The following CACNA1D variants were observed in gnomAD, a reference collection of about 807,000 sequenced individuals.
CACNA1D encodes the protein voltage-dependent L-type calcium channel subunit alpha-1D.
CACNA1D carries 55 observed loss-of-function variants against 257.1 expected under a neutral mutation model. The ratio of observed to expected loss-of-function variants is 0.21; its 90% CI spans 0.17 to 0.27. The LOEUF (loss-of-function observed/expected upper bound fraction) is 0.27, where lower values mean the gene tolerates loss of function less well. Ranked by LOEUF, CACNA1D falls within the 10% of genes least tolerant of loss-of-function variation. The pLI, the probability that CACNA1D is intolerant of heterozygous loss-of-function variation, is 1.00. For synonymous variants in CACNA1D, 980 were observed against 1,014.9 expected (o/e 0.97, Z 0.65); for missense variants, 1,876 against 2,784.0 (o/e 0.67, Z 7.34).
At position 53,723,786 on chromosome 3, in the gene CACNA1D, T is replaced by TTA. The variant is rs1160972746; in HGVS notation, c.1893-3_1893-2dup. 6.2e-7 allele frequency: 1 copy of TTA among 1,612,536 alleles called. No individual in the cohort carries two copies. Among genetic ancestry groups the TTA allele is most frequent in the East Asian group, 2.2e-5 (1 of 44,868 alleles). ...TCTGAGCTGACACCCTCATCTTGAC[T>TTA]TATAGGCACTGGACTTCCCTGAGCA... is the stretch of plus-strand genomic sequence containing the variant. On this transcript the variant is annotated splice_region_variant and splice_polypyrimidine_tract_variant and intron_variant, in intron 13 of 47. Transcript: ENST00000350061. The surrounding 1 kb of genome is among the most constrained non-coding windows in gnomAD (Gnocchi z 5.6).
At chr3:53,770,101 T>A (rs2095358057) in intron 31 of CACNA1D, 84 bp downstream of exon 31, 1 of 1,125,122 alleles carries the variant, frequency 8.9e-7, no homozygotes, top group African/African-American at 1.5e-5. Flanking sequence ...GGTTTTTCTG[T>A]ATTCTCCATG....
At chr3:53,599,929 C>G (rs186764349) in intron 3 of CACNA1D, among the ~76,000 whole-genome samples, 1 of 152,352 alleles carries the variant, frequency 6.6e-6, no homozygotes, top group East Asian at 1.9e-4. Context: ...ACAAACTAAT[C>G]AGGCTGAAAT....
intron 3 of CACNA1D, among the ~76,000 whole-genome samples, chr3:53,649,541 C>A (rs1162233019): frequency 6.6e-6 from 1 of 152,068 alleles, no homozygotes; most frequent in East Asian, 1.9e-4. Flanking sequence ...CCCCCCCACA[C>A]CAACAGACTA....
intron 3 of CACNA1D, among the ~76,000 whole-genome samples, chr3:53,577,476 A>G (rs981953411): frequency 6.6e-6 from 1 of 152,106 alleles, no homozygotes; most frequent in Non-Finnish European, 1.5e-5. Flanking sequence ...GCATTTTTCT[A>G]ATAGAAAAAT....
chr3:53,613,632 A>G (rs891690351), intron 3 of CACNA1D, among the ~76,000 whole-genome samples: 1 of 152,092 alleles, frequency 6.6e-6, no homozygotes, highest in Non-Finnish European at 1.5e-5. Context: ...CTGTGAGTGT[A>G]AGGTGTTTTT....
chr3:53,701,662 C>G (rs987459027), intron 8 of CACNA1D, among the ~76,000 whole-genome samples: 6 of 152,244 alleles, frequency 3.9e-5, no homozygotes, highest in Non-Finnish European at 7.3e-5. Flanking sequence ...TACTAAGTCT[C>G]TAACTCACAT....
At chr3:53,705,428 G>A (rs1338734512) in intron 9 of CACNA1D, among the ~76,000 whole-genome samples, 1 of 151,770 alleles carries the variant, frequency 6.6e-6, no homozygotes, top group African/African-American at 2.4e-5. Context: ...CTCTCACTGG[G>A]GCTCCCAAGC....
intron 3 of CACNA1D, among the ~76,000 whole-genome samples, chr3:53,571,389 G>A (rs567328920): frequency 1.3e-5 from 2 of 152,332 alleles, no homozygotes; most frequent in East Asian, 3.9e-4. Flanking sequence ...CAAATACTTA[G>A]ACTGTGCCTT....
At chr3:53,549,441 T>TGACTTGC (rs2092483099) in intron 3 of CACNA1D, among the ~76,000 whole-genome samples, 2 of 152,076 alleles carry the variant, frequency 1.3e-5, no homozygotes, top group Admixed American at 6.6e-5. Context: ...CACTGACTTG[T>TGACTTGC]TGACTTGCTG....
intron 4 of CACNA1D, among the ~76,000 whole-genome samples, chr3:53,653,027 G>T (rs1361207843): frequency 1.3e-5 from 2 of 152,178 alleles, no homozygotes; most frequent in South Asian, 4.1e-4. Context: ...GAGGTGGGTG[G>T]ATCACCTGAG....
intron 3 of CACNA1D, among the ~76,000 whole-genome samples, chr3:53,502,547 A>T (rs1269706327): frequency 6.7e-6 from 1 of 149,650 alleles, no homozygotes; most frequent in Non-Finnish European, 1.5e-5. Flanking sequence ...AGGTTGATAT[A>T]GTTTTTTTTT....
intron 3 of CACNA1D, among the ~76,000 whole-genome samples, chr3:53,618,009 C>T (rs957542826): frequency 1.3e-5 from 2 of 152,088 alleles, no homozygotes; most frequent in Non-Finnish European, 2.9e-5. Flanking sequence ...AGAGGAGCCC[C>T]GAGCCACAGC....
chr3:53,729,647 C>T (rs907970243), intron 15 of CACNA1D, among the ~76,000 whole-genome samples: 2 of 152,208 alleles, frequency 1.3e-5, no homozygotes, highest in Non-Finnish European at 2.9e-5. Flanking sequence ...ATGTATACAA[C>T]ATTAGAGTAA....
intron 30 of CACNA1D, among the ~76,000 whole-genome samples, chr3:53,767,897 A>C: frequency 6.6e-6 from 1 of 152,270 alleles, no homozygotes; most frequent in African/African-American, 2.4e-5. Flanking sequence ...TCGCAGGCGC[A>C]CTGAGGGTGC....
chr3:53,782,632 A>C (rs2095432386), intron 39 of CACNA1D: 1 of 152,250 alleles, frequency 6.6e-6, no homozygotes. Flanking sequence ...GCAGCATGCC[A>C]GCCAGCTCTG....
chr3:53,504,049 T>C (rs1441374443), intron 3 of CACNA1D, among the ~76,000 whole-genome samples: 3 of 148,946 alleles, frequency 2.0e-5, no homozygotes, highest in Admixed American at 1.3e-4. Flanking sequence ...AGGGAGCTGG[T>C]TTTTTGTTTT....
At chr3:53,628,098 T>C (rs1187017713) in intron 3 of CACNA1D, among the ~76,000 whole-genome samples, 4 of 152,218 alleles carry the variant, frequency 2.6e-5, no homozygotes, top group African/African-American at 9.7e-5. Flanking sequence ...TCTTCTCTAA[T>C]ACCTGGGTAA....
intron 39 of CACNA1D, among the ~76,000 whole-genome samples, chr3:53,783,360 T>G (rs1252565881): frequency 2.0e-5 from 3 of 152,270 alleles, no homozygotes; most frequent in Non-Finnish European, 2.9e-5. Context: ...TTTGAAAAGC[T>G]GATCAACTTT....
At chr3:53,671,427 A>C (rs1290843379) in intron 7 of CACNA1D, among the ~76,000 whole-genome samples, 1 of 152,242 alleles carries the variant, frequency 6.6e-6, no homozygotes, top group Non-Finnish European at 1.5e-5. Flanking sequence ...GTGCTGACCC[A>C]GGCCAGGCAC....
Sources: gnomAD v4.1 joint callset for allele counts (sites outside exome capture counted in the v4.1 genomes callset) on GRCh38, gnomAD v4.1.1 for gene constraint, Gnocchi (gnomAD v3.1) non-coding constraint, MANE v1.5 for transcripts, NCBI Gene and HGNC (gene_info 2026-07-23, HGNC 2026-07-21) for gene names.